Variants in ULK4 observed in about 807,000 individuals in gnomAD.
The protein encoded by ULK4 is unc-51 like kinase 4, also known as inactive serine/threonine-protein kinase ULK4.
A neutral mutation model predicts 160.6 loss-of-function variants in ULK4; 133 were observed. The observed-to-expected ratio is 0.83, with a 90% confidence interval of 0.72 to 0.96. The LOEUF is 0.96. Among genes scored for constraint, ULK4 ranks in the 40% least tolerant of loss-of-function variants. ULK4 has a pLI of 0.00. For missense variants in ULK4, 1,580 were observed against 1,499.5 expected (o/e 1.05, Z -0.89); for synonymous variants, 534 against 539.8 (o/e 0.99, Z 0.15).
chr3:41,383,335 G>A (rs1480321230), intron 35 of ULK4, among the ~76,000 whole-genome samples: 1 of 152,112 alleles, frequency 6.6e-6, no homozygotes, highest in Non-Finnish European at 1.5e-5. Flanking sequence ...TTGACCTAAG[G>A]TGATCCACCT....
chr3:41,856,498 T>G (rs963197147), intron 17 of ULK4, among the ~76,000 whole-genome samples: 1 of 100,156 alleles, frequency 1.0e-5, no homozygotes, highest in African/African-American at 6.7e-5. Context: ...GACACATTAA[T>G]AAATAAATAA....
chr3:41,528,890 C>CTATTAAGTA (rs2125938353), intron 32 of ULK4, among the ~76,000 whole-genome samples: 1 of 152,186 alleles, frequency 6.6e-6, no homozygotes, highest in Non-Finnish European at 1.5e-5. Context: ...GGGCTTAATA[C>CTATTAAGTA]CTGGGTGATG....
intron 3 of ULK4, among the ~76,000 whole-genome samples, chr3:41,936,534 T>C (rs903623451): frequency 6.6e-6 from 1 of 152,030 alleles, no homozygotes; most frequent in Non-Finnish European, 1.5e-5. Flanking sequence ...CATCAACAGA[T>C]GAATGGATAA....
chr3:41,578,005 C>A (rs1041714726), intron 31 of ULK4, among the ~76,000 whole-genome samples: 2 of 152,226 alleles, frequency 1.3e-5, no homozygotes, highest in African/African-American at 2.4e-5. Context: ...TACTCCTGAA[C>A]AGCAAGTGAT....
intron 16 of ULK4, among the ~76,000 whole-genome samples, chr3:41,892,840 T>C (rs1384086394): frequency 6.6e-6 from 1 of 152,240 alleles, no homozygotes; most frequent in African/African-American, 2.4e-5. Flanking sequence ...TTCCTCTTCC[T>C]CACCCTTCCT....
chr3:41,559,550 T>C (rs999062825), intron 32 of ULK4, among the ~76,000 whole-genome samples: 2 of 151,608 alleles, frequency 1.3e-5, no homozygotes, highest in African/African-American at 4.8e-5. Context: ...GTTTCCTGAC[T>C]TTTTAATGAT....
chr3:41,802,362 A>C (rs1331641747), intron 19 of ULK4, among the ~76,000 whole-genome samples: 1 of 152,168 alleles, frequency 6.6e-6, no homozygotes, highest in African/African-American at 2.4e-5. Context: ...CAATGGCAGG[A>C]TCACAGCTCA....
intron 30 of ULK4, among the ~76,000 whole-genome samples, chr3:41,650,962 C>T (rs2034715911): frequency 1.3e-5 from 2 of 151,990 alleles, no homozygotes; most frequent in Admixed American, 1.3e-4. Context: ...TCCTTTGACC[C>T]CCATATCTCC....
chr3:41,890,800 T>G (rs867835724), intron 16 of ULK4, among the ~76,000 whole-genome samples: 8 of 5,560 alleles, frequency 1.4e-3, no homozygotes, highest in Non-Finnish European at 2.3e-3. Flanking sequence ...AGGGACGGGA[T>G]GGGGGAAGGA....
rs193082717 is a variant in ULK4 at position 41,792,950 on chromosome 3, G to A, written c.2011-3107C>T. Among the ~76,000 whole-genome samples the A allele has an allele frequency of 1.4e-3, 209 of 152,274 alleles. 1 individual carries two copies. The highest frequency in any genetic ancestry group is 1.5e-3 in the Non-Finnish European group (99 of 68,018). ...AGCACTCAGGGAGGCTGATGCAGGCGGATCACAAGGTCAGGAGTTTCAGGC... is the reference window on the plus strand; with the variant it reads ...AGCACTCAGGGAGGCTGATGCAGGCAGATCACAAGGTCAGGAGTTTCAGGC... On this transcript the variant is annotated intron_variant, in intron 20 of 36. Coordinates refer to ENST00000301831, the MANE Select transcript of ULK4 (RefSeq NM_017886.4).
chr3:41,571,990 T>C (rs1398047940), intron 31 of ULK4, among the ~76,000 whole-genome samples: 1 of 152,168 alleles, frequency 6.6e-6, no homozygotes, highest in Non-Finnish European at 1.5e-5. Flanking sequence ...TGATAACGTA[T>C]TGAGAACTTA....
At chr3:41,772,001 G>A (rs1344816491) in intron 21 of ULK4, among the ~76,000 whole-genome samples, 1 of 152,078 alleles carries the variant, frequency 6.6e-6, no homozygotes, top group African/African-American at 2.4e-5. Flanking sequence ...TCAGAAGCAA[G>A]CATGCTCACT....
intron 35 of ULK4, among the ~76,000 whole-genome samples, 153 bp from the exon 36 acceptor site, chr3:41,249,727 G>A (rs905762278): frequency 2.0e-5 from 3 of 152,118 alleles, no homozygotes; most frequent in Non-Finnish European, 4.4e-5. Context: ...ACCCCCATGC[G>A]TAACCTCCCC....
chr3:41,588,243 A>G (rs986228947), intron 31 of ULK4, among the ~76,000 whole-genome samples: 1 of 152,202 alleles, frequency 6.6e-6, no homozygotes, highest in Non-Finnish European at 1.5e-5. Flanking sequence ...CTGACAGTAC[A>G]TTTCATTTAA....
At chr3:41,949,653 G>GA (rs975803068) in intron 2 of ULK4, among the ~76,000 whole-genome samples, 13 of 150,026 alleles carry the variant, frequency 8.7e-5, no homozygotes, top group African/African-American at 3.2e-4. Context: ...GGCTGGTCTC[G>GA]AACTCCTGAC....
chr3:41,824,636 C>G (rs143271155), intron 18 of ULK4, among the ~76,000 whole-genome samples: 27,249 of 152,044 alleles, frequency 0.18, 2,512 homozygotes, highest in Middle Eastern at 0.32. Flanking sequence ...CTACCATTGC[C>G]GAGGCTTGAG....
chr3:41,921,735 T>C lies in ULK4; in HGVS notation c.542-1917A>G, dbSNP rs374848152. Among the ~76,000 whole-genome samples, 10 of 152,344 alleles carry C rather than the reference T, an allele frequency of 6.6e-5. No homozygotes were observed. In the South Asian group the frequency reaches 2.1e-3, roughly 32 times the overall value. On this transcript the variant is annotated intron_variant, in intron 5 of 36. Coordinates refer to ENST00000301831, the MANE Select transcript of ULK4 (RefSeq NM_017886.4). ...ACAAATACACAAAACAGTATATTAT[T>C]ACATGGTAAGTTAAATGGTTTATGC...
intron 30 of ULK4, among the ~76,000 whole-genome samples, chr3:41,624,169 C>T (rs1387490763): frequency 1.3e-5 from 2 of 152,186 alleles, no homozygotes; most frequent in African/African-American, 4.8e-5. Flanking sequence ...AGACTCAAAA[C>T]CACGAACAAC....
At chr3:41,743,721 A>T (rs200039314) in intron 22 of ULK4, among the ~76,000 whole-genome samples, 1 of 151,846 alleles carries the variant, frequency 6.6e-6, no homozygotes, top group Non-Finnish European at 1.5e-5. Context: ...GCTGGAGTGC[A>T]GTGGCACAAT....
Sources: gnomAD v4.1 joint callset for allele counts (sites outside exome capture counted in the v4.1 genomes callset) on GRCh38, gnomAD v4.1.1 for gene constraint, MANE v1.5 for transcripts, NCBI Gene and HGNC (gene_info 2026-07-23, HGNC 2026-07-21) for gene names.